The following MAML2 variants were observed in gnomAD, a reference collection of about 807,000 sequenced individuals.
MAML2 encodes the protein mastermind-like protein 2.
In MAML2, 22 loss-of-function variants were observed where a neutral mutation model predicts 96.1. That is an observed-to-expected ratio of 0.23 (90% CI 0.16 to 0.33). MAML2 has a LOEUF of 0.33. Ranked by LOEUF, MAML2 falls within the 10% of genes least tolerant of loss-of-function variation. The pLI is 1.00. For synonymous variants in MAML2, 561 were observed against 521.3 expected (o/e 1.08, Z -1.04); for missense variants, 1,367 against 1,392.4 (o/e 0.98, Z 0.29).
At chr11:96,139,212 T>C (rs1443466447) in intron 1 of MAML2, among the ~76,000 whole-genome samples, 1 of 152,170 alleles carries the variant, frequency 6.6e-6, no homozygotes, top group Non-Finnish European at 1.5e-5. Flanking sequence ...CAGTGGTGGC[T>C]CACACCTGTA....
At chr11:96,153,161 ATTT>A (rs71459787) in intron 1 of MAML2, among the ~76,000 whole-genome samples, 1 of 142,318 alleles carries the variant, frequency 7.0e-6, no homozygotes. Context: ...TGTTTTTAGA[ATTT>A]TTTTTTTTTT....
At chr11:96,172,944 A>G (rs562840428) in intron 1 of MAML2, among the ~76,000 whole-genome samples, 6 of 152,350 alleles carry the variant, frequency 3.9e-5, no homozygotes, top group Non-Finnish European at 7.3e-5. Context: ...TCAGAGCCAA[A>G]GTGCCTTTCA....
rs1260124372 is a variant in MAML2 at position 96,200,252 on chromosome 11, T to A, written c.514-106735A>T. 2.6e-5 allele frequency among the ~76,000 whole-genome samples: 4 copies of A among 152,228 alleles called. No homozygotes were observed. The East Asian group carries it at 7.7e-4, about 29-fold the overall frequency. On this transcript the variant is annotated intron_variant, in intron 1 of 4. Coordinates refer to ENST00000524717, the MANE Select transcript of MAML2 (RefSeq NM_032427.4). ...TGTATATACTCATTAACACTCTTAA[T>A]GTTCTAGATAACTTTAACATCCCTT... is the stretch of plus-strand genomic sequence containing the variant.
intron 2 of MAML2, among the ~76,000 whole-genome samples, chr11:96,051,147 A>T (rs1039114537): frequency 1.3e-5 from 2 of 152,212 alleles, no homozygotes; most frequent in African/African-American, 4.8e-5. Flanking sequence ...ATAGAAACTT[A>T]AAATTAATTC....
intron 1 of MAML2, among the ~76,000 whole-genome samples, chr11:96,319,772 A>C (rs1442775688): frequency 2.6e-5 from 4 of 152,224 alleles, no homozygotes; most frequent in Admixed American, 2.0e-4. Flanking sequence ...ACATTAAATA[A>C]TTTTGATTCT....
chr11:95,979,637 C>T lies in MAML2; in HGVS notation c.2782G>A (p.Gly928Arg), dbSNP rs781431200. ...NNNNVATFGA[G>R]SVGNSQQLRP... The stretch of plus-strand genomic sequence containing the variant: ...AATTGTTGTGAATTACCAACAGATC[C>T]AGCTCCAAAAGTGGCTACATTGTTA... Residue 928 changes from glycine to arginine, a missense_variant, in exon 5 of 5, where the codon GGA (glycine) becomes AGA (arginine). Physicochemically the swap from Gly to Arg is moderately radical, Grantham distance 125. Coordinates refer to ENST00000524717, the MANE Select transcript of MAML2 (RefSeq NM_032427.4). 1.1e-5 allele frequency: 18 copies of T among 1,613,914 alleles called. No individual in the cohort carries two copies. Among genetic ancestry groups the T allele is most frequent in the Non-Finnish European group, 1.5e-5 (18 of 1,179,866 alleles).
At chr11:96,215,339 C>A (rs1028432766) in intron 1 of MAML2, among the ~76,000 whole-genome samples, 8 of 152,226 alleles carry the variant, frequency 5.3e-5, no homozygotes, top group African/African-American at 1.9e-4. Context: ...TCATCAAGGC[C>A]TCACGACCTC....
chr11:95,999,517 G>A (rs547716721), intron 2 of MAML2, among the ~76,000 whole-genome samples: 52 of 150,496 alleles, frequency 3.5e-4, no homozygotes, highest in African/African-American at 1.2e-3. Flanking sequence ...GCTGAACACT[G>A]ACACAGTAAC....
At chr11:96,015,891 G>A (rs1858344504) in intron 2 of MAML2, among the ~76,000 whole-genome samples, 1 of 152,172 alleles carries the variant, frequency 6.6e-6, no homozygotes, top group South Asian at 2.1e-4. Context: ...CTCAGTTAAT[G>A]TGGTGACTAT....
At chr11:96,177,957 T>TGTGTGTGTGTGTGTG (rs1565238928) in intron 1 of MAML2, among the ~76,000 whole-genome samples, 5 of 149,858 alleles carry the variant, frequency 3.3e-5, no homozygotes, top group African/African-American at 7.4e-5. Context: ...TGTGTGTGTG[T>TGTGTGTGTGTGTGTG]TTAAATAAGA....
At chr11:95,984,962 G>T (rs1357524642) in intron 4 of MAML2, among the ~76,000 whole-genome samples, 4 of 152,120 alleles carry the variant, frequency 2.6e-5, no homozygotes, top group Non-Finnish European at 1.5e-5. Context: ...GAATTTGGGG[G>T]ACTTTTGTAC....
intron 2 of MAML2, among the ~76,000 whole-genome samples, chr11:95,993,879 C>T (rs1187977845): frequency 2.0e-5 from 3 of 152,160 alleles, no homozygotes; most frequent in South Asian, 4.1e-4. Context: ...CCGTGCTTTA[C>T]GTGATTTATC....
intron 1 of MAML2, among the ~76,000 whole-genome samples, chr11:96,324,126 G>T (rs574393684): frequency 2.6e-5 from 4 of 152,188 alleles, no homozygotes; most frequent in African/African-American, 4.8e-5. Context: ...TAATACCTAT[G>T]TAATTATCTG....
chr11:96,182,996 T>A (rs1319760001), intron 1 of MAML2, among the ~76,000 whole-genome samples: 23 of 146,264 alleles, frequency 1.6e-4, no homozygotes, highest in African/African-American at 5.8e-4. Context: ...TCTTGCTCTG[T>A]CACCAGGCTG....
At chr11:96,060,456 T>TA (rs1217899238) in intron 2 of MAML2, among the ~76,000 whole-genome samples, 1 of 152,150 alleles carries the variant, frequency 6.6e-6, no homozygotes, top group African/African-American at 2.4e-5. Context: ...CTATTTTTTT[T>TA]TTTCCAGAAA....
Position 96,342,539 on chromosome 11 carries a change from T to C in MAML2, c.-644A>G. On this transcript the variant is annotated 5_prime_UTR_variant, in exon 1 of 5. Coordinates refer to ENST00000524717, the MANE Select transcript of MAML2 (RefSeq NM_032427.4). ...TGCAAAAATCAAGGGAGACTGTCTT[T>C]TGGCTTTTAATTTTTCCTCCCTTTC... The C allele has an allele frequency of 2.5e-6, 1 of 397,816 alleles. No individual in the cohort carries two copies. The highest frequency in any genetic ancestry group is 4.4e-6 in the Non-Finnish European group (1 of 225,826). 24.6% of individuals were successfully genotyped at this position (397,816 alleles called of 1,614,324 possible).
intron 1 of MAML2, among the ~76,000 whole-genome samples, chr11:96,161,301 G>A (rs1274946672): frequency 6.6e-6 from 1 of 152,178 alleles, no homozygotes. Flanking sequence ...AAGGAAATAG[G>A]CATTTGAGGG....
intron 2 of MAML2, among the ~76,000 whole-genome samples, chr11:96,076,095 A>G (rs1256113327): frequency 2.0e-5 from 3 of 152,246 alleles, no homozygotes; most frequent in African/African-American, 7.2e-5. Context: ...TTAAAATATT[A>G]CAACAGAAAG....
intron 1 of MAML2, among the ~76,000 whole-genome samples, chr11:96,291,926 A>G (rs1863218556): frequency 1.3e-5 from 2 of 152,210 alleles, no homozygotes; most frequent in South Asian, 2.1e-4. Flanking sequence ...GCTGCCATAG[A>G]TCCATGTTCC....
Sources: gnomAD v4.1 joint callset for allele counts (sites outside exome capture counted in the v4.1 genomes callset) on GRCh38, gnomAD v4.1.1 for gene constraint, MANE v1.5 for transcripts, NCBI Gene and HGNC (gene_info 2026-07-23, HGNC 2026-07-21) for gene names.